The following NUP98 variants were observed in gnomAD, a reference collection of about 807,000 sequenced individuals.
NUP98 encodes the protein nuclear pore complex protein Nup98-Nup96.
Under a neutral mutation model 191.9 loss-of-function variants are expected in NUP98, and 26 were observed. The observed-to-expected ratio is 0.14, with a 90% confidence interval of 0.10 to 0.19. The LOEUF (loss-of-function observed/expected upper bound fraction) is 0.19, where lower values mean the gene tolerates loss of function less well. Ranked by LOEUF, NUP98 falls within the 10% of genes least tolerant of loss-of-function variation. NUP98 has a pLI of 1.00. For synonymous variants in NUP98, 808 were observed against 778.4 expected (o/e 1.04, Z -0.63); for missense variants, 1,941 against 2,178.8 (o/e 0.89, Z 2.17).
chr11:3,722,011 C>A lies in NUP98; in HGVS notation c.2146+1146G>T, dbSNP rs565278539. The stretch of plus-strand genomic sequence containing the variant: ...GCAGCAAACAAGGTAAATGAAAAAA[C>A]TAGAATATAAAACTTCCTATTAAAA... On this transcript the variant is annotated intron_variant, in intron 16 of 32. Coordinates refer to ENST00000324932, the MANE Select transcript of NUP98 (RefSeq NM_016320.5). Among the ~76,000 whole-genome samples, 13 of 150,772 alleles carry A rather than the reference C, an allele frequency of 8.6e-5. No individual in the cohort carries two copies. In the South Asian group the frequency reaches 2.7e-3, roughly 32 times the overall value.
intron 12 of NUP98, among the ~76,000 whole-genome samples, chr11:3,743,095 T>C (rs1439736588): frequency 6.6e-6 from 1 of 151,964 alleles, no homozygotes; most frequent in African/African-American, 2.4e-5. Flanking sequence ...CTCGGCTCAC[T>C]GTAACCTCCA....
intron 14 of NUP98, among the ~76,000 whole-genome samples, chr11:3,727,071 T>C (rs2079648028): frequency 6.6e-6 from 1 of 152,186 alleles, no homozygotes; most frequent in Admixed American, 6.6e-5. Flanking sequence ...TTAGAAATTA[T>C]TACCTTATAC....
At chr11:3,775,754 T>G (rs2081697459) in intron 5 of NUP98, 128 bp downstream of exon 5, 2 of 756,610 alleles carry the variant, frequency 2.6e-6, no homozygotes, top group East Asian at 5.2e-5. Context: ...TTTATAGATT[T>G]TGTTTTTAAC....
intron 9 of NUP98, among the ~76,000 whole-genome samples, chr11:3,761,636 G>A (rs1449412617): frequency 6.6e-6 from 1 of 152,158 alleles, no homozygotes; most frequent in Admixed American, 6.5e-5. Context: ...GCGGGCGCCT[G>A]TAATCCCAGC....
chr11:3,695,331 G>T, intron 26 of NUP98, 118 bp downstream of exon 26: 1 of 919,142 alleles, frequency 1.1e-6, no homozygotes, highest in Non-Finnish European at 1.5e-6. Context: ...TGTCCAATGT[G>T]TAAAACATTT....
At chr11:3,776,665 T>A (rs1281838544) in intron 4 of NUP98, among the ~76,000 whole-genome samples, 1 of 151,754 alleles carries the variant, frequency 6.6e-6, no homozygotes, top group Non-Finnish European at 1.5e-5. Context: ...TTTGTATTTT[T>A]TTTTTTTAAG....
At position 3,676,524 on chromosome 11, in the gene NUP98, G is replaced by T; in HGVS notation, c.5170C>A (p.Arg1724Ser). The T allele has an allele frequency of 6.2e-7, 1 of 1,613,950 alleles. No homozygotes were observed. The highest frequency in any genetic ancestry group is 1.1e-5 in the South Asian group (1 of 91,078). Reference sequence around the variant, plus strand: ...AGAGGCTTACCTGACTGAGCCAGGCGATCTTTAGCACTGTAACACTGAATC... The same window carrying T: ...AGAGGCTTACCTGACTGAGCCAGGCTATCTTTAGCACTGTAACACTGAATC... ...EQIQCYSAKD[R>S]LAQSDMAKRV... The change falls in exon 32 of 33, where the codon CGC (arginine) becomes AGC (serine). Residue 1724 changes from arginine to serine, a missense_variant. Physicochemically the swap from Arg to Ser is moderately radical, Grantham distance 110. Around this residue, in one of 6 missense-constraint regions of NUP98, gnomAD observed 1,030 missense variants for 1,115.8 expected, o/e 0.92. Coordinates refer to ENST00000324932, the MANE Select transcript of NUP98 (RefSeq NM_016320.5).
intron 1 of NUP98, among the ~76,000 whole-genome samples, chr11:3,786,606 T>C (rs2082148367): frequency 6.6e-6 from 1 of 152,176 alleles, no homozygotes; most frequent in Admixed American, 6.6e-5. Flanking sequence ...ATACAAGAAG[T>C]AGCCTTATAA....
intron 28 of NUP98, among the ~76,000 whole-genome samples, chr11:3,690,158 G>A (rs1369800958): frequency 2.0e-5 from 3 of 151,226 alleles, no homozygotes; most frequent in Non-Finnish European, 4.4e-5. Flanking sequence ...CACCATGTTG[G>A]CCAGGCTGGT....
chr11:3,754,238 G>A (rs2080874690), intron 10 of NUP98, among the ~76,000 whole-genome samples: 1 of 152,166 alleles, frequency 6.6e-6, no homozygotes, highest in Middle Eastern at 3.4e-3. Flanking sequence ...AACAGCCTGG[G>A]GAACATGGTG....
At chr11:3,731,980 G>T (rs61877580) in intron 13 of NUP98, among the ~76,000 whole-genome samples, 6,353 of 152,262 alleles carry the variant, frequency 0.042, 181 homozygotes, top group Middle Eastern at 0.085. Flanking sequence ...GTGTGTATGT[G>T]TGAATACTAA....
chr11:3,789,658 G>A (rs61896918), intron 1 of NUP98, among the ~76,000 whole-genome samples: 7,703 of 151,906 alleles, frequency 0.051, 256 homozygotes, highest in Middle Eastern at 0.099. Context: ...TGAGACCACA[G>A]GCATGTGCCA....
intron 18 of NUP98, chr11:3,714,947 T>A (rs577240833): frequency 6.6e-6 from 1 of 152,360 alleles, no homozygotes; most frequent in East Asian, 1.9e-4. Flanking sequence ...ATAGTGTTGC[T>A]ATGAACATGG....
chr11:3,789,973 T>C (rs895806461), intron 1 of NUP98, among the ~76,000 whole-genome samples: 33 of 152,020 alleles, frequency 2.2e-4, no homozygotes, highest in Non-Finnish European at 3.4e-4. Context: ...TTAGTAGACA[T>C]GGGGTTTCAC....
intron 24 of NUP98, among the ~76,000 whole-genome samples, chr11:3,700,350 T>C (rs1457279417): frequency 1.3e-5 from 2 of 151,798 alleles, no homozygotes; most frequent in Non-Finnish European, 2.9e-5. Context: ...AGAAATTCAA[T>C]TTTATAAATC....
intron 30 of NUP98, among the ~76,000 whole-genome samples, chr11:3,681,170 A>T (rs2077972466): frequency 1.3e-5 from 2 of 152,026 alleles, no homozygotes; most frequent in Non-Finnish European, 2.9e-5. Context: ...CCTCCCAAAT[A>T]GCTGGGAATA....
Position 3,772,843 on chromosome 11 carries a change from T to C in NUP98, c.603+789A>G, listed in dbSNP as rs146432507. The stretch of plus-strand genomic sequence containing the variant: ...AAAAAAAAAAATTAGCTGTGTGTGG[T>C]GGCCCACACCTGTAATCCAAGCTAC... On this transcript the variant is annotated intron_variant, in intron 6 of 32. Transcript: ENST00000324932. Among the ~76,000 whole-genome samples the C allele has an allele frequency of 9.9e-4, 147 of 149,116 alleles. 2 individuals are homozygous for C. The East Asian group carries it at 0.026, about 26-fold the overall frequency.
At chr11:3,729,682 T>C (rs2079762891) in intron 14 of NUP98, among the ~76,000 whole-genome samples, 1 of 114,070 alleles carries the variant, frequency 8.8e-6, no homozygotes, top group African/African-American at 3.5e-5. Context: ...ACCACTGCAC[T>C]CCAGCCTGGG....
chr11:3,677,927 A>G (rs2077869842), intron 31 of NUP98, among the ~76,000 whole-genome samples: 1 of 152,214 alleles, frequency 6.6e-6, no homozygotes, highest in Non-Finnish European at 1.5e-5. Context: ...GGCCGAGGTC[A>G]GGAGTTTGAG....
Sources: allele counts gnomAD v4.1 joint callset (sites outside exome capture counted in the v4.1 genomes callset), GRCh38; gene constraint gnomAD v4.1.1; regional missense constraint gnomAD v4.1.1; transcripts MANE v1.5; gene names NCBI Gene and HGNC (gene_info 2026-07-23, HGNC 2026-07-21).